The following RPS6KC1 variants were observed in gnomAD, a reference collection of about 807,000 sequenced individuals.
RPS6KC1 encodes inactive ribosomal protein S6 kinase delta-1.
A neutral mutation model predicts 103.8 loss-of-function variants in RPS6KC1; 54 were observed. The observed-to-expected ratio is 0.52, with a 90% CI of 0.42 to 0.65. The LOEUF (loss-of-function observed/expected upper bound fraction) is 0.65. Ranked by LOEUF, RPS6KC1 falls within the 30% of genes least tolerant of loss-of-function variation. The pLI, the probability that RPS6KC1 is intolerant of heterozygous loss-of-function variation, is 0.00. For missense variants in RPS6KC1, 1,151 were observed against 1,253.8 expected (o/e 0.92, Z 1.24); for synonymous variants, 439 against 438.7 (o/e 1.00, Z -0.01).
At chr1:213,090,939 A>T (rs1159570655) in intron 3 of RPS6KC1, among the ~76,000 whole-genome samples, 1 of 152,264 alleles carries the variant, frequency 6.6e-6, no homozygotes, top group Non-Finnish European at 1.5e-5. Context: ...TGTCTGGCTT[A>T]AGAGGAGATA....
intron 10 of RPS6KC1, among the ~76,000 whole-genome samples, chr1:213,234,822 G>A (rs2094187610): frequency 6.6e-6 from 1 of 152,190 alleles, no homozygotes; most frequent in Non-Finnish European, 1.5e-5. Context: ...AATAGAAGCA[G>A]TAAAAAGGCT....
intron 4 of RPS6KC1, among the ~76,000 whole-genome samples, chr1:213,114,725 C>T (rs1047559849): frequency 7.9e-5 from 12 of 152,064 alleles, no homozygotes; most frequent in Non-Finnish European, 1.0e-4. Flanking sequence ...TTTTGAAATA[C>T]GTCCCATCAA....
At chr1:213,758,596 G>A in the RPS6KC1 span, among the ~76,000 whole-genome samples, 2 of 150,442 alleles carry the variant, frequency 1.3e-5, no homozygotes, top group African/African-American at 4.9e-5. Flanking sequence ...AAAAAAAAAT[G>A]TGATTCATGA....
At chr1:213,448,512 G>T in the RPS6KC1 span, among the ~76,000 whole-genome samples, 1 of 152,066 alleles carries the variant, frequency 6.6e-6, no homozygotes, top group African/African-American at 2.4e-5. Flanking sequence ...CAGAAACAGA[G>T]CCTCAAGCCT....
At chr1:213,719,863 A>G in the RPS6KC1 span, among the ~76,000 whole-genome samples, 3 of 152,192 alleles carry the variant, frequency 2.0e-5, no homozygotes, top group African/African-American at 7.2e-5. Flanking sequence ...AGAGGAGAGT[A>G]TTAGCTAGAC....
At chr1:213,358,637 G>A in the RPS6KC1 span, among the ~76,000 whole-genome samples, 84,511 of 152,020 alleles carry the variant, frequency 0.56, 26,853 homozygotes, top group East Asian at 0.93. Flanking sequence ...ATCTCCTTCA[G>A]TTCTGCTCTG....
At chr1:213,451,889 C>A in the RPS6KC1 span, among the ~76,000 whole-genome samples, 2 of 152,170 alleles carry the variant, frequency 1.3e-5, no homozygotes, top group Non-Finnish European at 2.9e-5. Context: ...GAATTCCCCC[C>A]TCCAGTAGCC....
chr1:213,325,775 C>T, the RPS6KC1 span, among the ~76,000 whole-genome samples: 1 of 152,230 alleles, frequency 6.6e-6, no homozygotes, highest in Non-Finnish European at 1.5e-5. Context: ...ACCTGGGAGA[C>T]AGGCATGTTT....
chr1:213,221,645 G>A (rs1156692070), intron 8 of RPS6KC1, among the ~76,000 whole-genome samples: 1 of 152,166 alleles, frequency 6.6e-6, no homozygotes, highest in Non-Finnish European at 1.5e-5. Context: ...GGCATTTAAA[G>A]AAATCTACAA....
the RPS6KC1 span, among the ~76,000 whole-genome samples, chr1:213,392,187 T>C: frequency 6.6e-6 from 1 of 152,086 alleles, no homozygotes; most frequent in African/African-American, 2.4e-5. Context: ...TACACGTAGA[T>C]TTTTAAAAAT....
the RPS6KC1 span, among the ~76,000 whole-genome samples, chr1:213,517,771 T>G: frequency 2.0e-5 from 3 of 152,184 alleles, no homozygotes; most frequent in African/African-American, 7.2e-5. Flanking sequence ...TGAGTTCAGT[T>G]CCTGGATATC....
chr1:213,489,316 G>C, the RPS6KC1 span, among the ~76,000 whole-genome samples: 1 of 152,196 alleles, frequency 6.6e-6, no homozygotes, highest in Non-Finnish European at 1.5e-5. Context: ...GAGGGCCCAG[G>C]TGGGCTGGAT....
At chr1:213,233,759 C>T (rs1293661152) in intron 10 of RPS6KC1, among the ~76,000 whole-genome samples, 1 of 152,000 alleles carries the variant, frequency 6.6e-6, no homozygotes, top group African/African-American at 2.4e-5. Context: ...TTTAAATTTT[C>T]TACTATTTTA....
At chr1:213,550,163 G>A in the RPS6KC1 span, among the ~76,000 whole-genome samples, 7 of 152,244 alleles carry the variant, frequency 4.6e-5, no homozygotes, top group South Asian at 2.1e-4. Context: ...TTCAGTTTAC[G>A]GTCTTGGCAA....
rs1386352857 is a variant in RPS6KC1, at chr1:213,274,095, C to T, written c.*1461C>T. 1 of 152,104 alleles carries T rather than the reference C, an allele frequency of 6.6e-6. No homozygotes were observed. The highest frequency in any genetic ancestry group is 2.4e-5 in the African/African-American group (1 of 41,402). The allele number at this position is 152,104 out of a possible 1,614,324, so 9.4% of individuals were successfully genotyped here. A position where few individuals can be genotyped will look rare whatever the true frequency, so the allele number is the denominator to read the frequency against. On this transcript the variant is annotated 3_prime_UTR_variant, in exon 15 of 15. Transcript: ENST00000366960. ...TTTCCTTTTTCTATTATTCTATTTC[C>T]CTTTTTCCTTTTTGGCCCCCTTATA...
In RPS6KC1 at chr1:213,077,740, A is replaced by G. The variant is rs1190274412; in HGVS notation, c.186A>G (p.Lys62=). Residue 62 remains lysine (K), a synonymous_variant, in exon 3 of 15, where the codon AAA becomes AAG. Coordinates refer to ENST00000366960, the MANE Select transcript of RPS6KC1 (RefSeq NM_012424.6). The part of the protein sequence containing the change: ...KRYSDFKKLH[K]ELWQIHKNLF... ...ACAGTGATTTTAAGAAACTACACAA[A>G]GAACTATGGCAAATTCACAAAAACT... 6.5e-7 allele frequency: 1 copy of G among 1,530,024 alleles called. No individual in the cohort carries two copies. The allele number at this position is 1,530,024 out of a possible 1,614,324, so 94.8% of individuals were successfully genotyped here.
At chr1:213,806,434 C>G in the RPS6KC1 span, among the ~76,000 whole-genome samples, 1 of 152,194 alleles carries the variant, frequency 6.6e-6, no homozygotes, top group African/African-American at 2.4e-5. Flanking sequence ...GTAGGTCACC[C>G]AGGACTTACT....
At chr1:213,243,481 C>T (rs912314137) in intron 12 of RPS6KC1, among the ~76,000 whole-genome samples, 2 of 152,060 alleles carry the variant, frequency 1.3e-5, no homozygotes, top group African/African-American at 4.8e-5. Context: ...CATTTTATAA[C>T]AAATTTTTAT....
intron 8 of RPS6KC1, among the ~76,000 whole-genome samples, chr1:213,217,488 T>C (rs1432281084): frequency 6.6e-6 from 1 of 152,056 alleles, no homozygotes; most frequent in African/African-American, 2.4e-5. Context: ...TTCCAATCAA[T>C]AGAAAAAGAG....
Sources: gnomAD v4.1 joint callset for allele counts (sites outside exome capture counted in the v4.1 genomes callset) on GRCh38, gnomAD v4.1.1 for gene constraint, MANE v1.5 for transcripts, NCBI Gene and HGNC (gene_info 2026-07-23, HGNC 2026-07-21) for gene names.